The following TAFA5 variants were observed in gnomAD, a reference collection of about 807,000 sequenced individuals.
The protein encoded by TAFA5 is chemokine-like protein TAFA-5.
In TAFA5, 6 loss-of-function variants were observed where a neutral mutation model predicts 15.3. The observed-to-expected ratio is 0.39, with a 90% CI of 0.21 to 0.77. TAFA5 has a LOEUF of 0.77. Ranked by LOEUF, TAFA5 falls within the 30% of genes least tolerant of loss-of-function variation. The pLI, the probability that TAFA5 is intolerant of heterozygous loss-of-function variation, is 0.41. For synonymous variants in TAFA5, 103 were observed against 80.7 expected (o/e 1.28, Z -1.48); for missense variants, 161 against 193.1 (o/e 0.83, Z 0.98).
intron 2 of TAFA5, among the ~76,000 whole-genome samples, chr22:48,662,229 G>A (rs9617486): frequency 5.9e-5 from 9 of 151,982 alleles, no homozygotes; most frequent in African/African-American, 1.7e-4. Flanking sequence ...GGAGCACAAG[G>A]CTTGGAGGTT....
At chr22:48,539,502 C>T in intron 1 of TAFA5, 2 of 470,468 alleles carry the variant, frequency 4.3e-6, no homozygotes. Flanking sequence ...GACGGAGTTA[C>T]ATTTAGACGG....
intron 2 of TAFA5, among the ~76,000 whole-genome samples, chr22:48,686,772 ATGGATGGATGGATGGTAGACAAG>A (rs1928367997): frequency 6.6e-6 from 1 of 151,560 alleles, no homozygotes; most frequent in Admixed American, 6.6e-5. Flanking sequence ...TAGGGGATGG[ATGGATGGATGGATGGTAGACAAG>A]TGGATGGATG....
intron 3 of TAFA5, among the ~76,000 whole-genome samples, chr22:48,746,046 G>A (rs564428470): frequency 1.7e-4 from 26 of 152,330 alleles, no homozygotes; most frequent in African/African-American, 6.3e-4. Context: ...ATGGGCTGGG[G>A]TCCTTGTGTC....
chr22:48,491,884 G>C (rs1055017493), intron 1 of TAFA5, among the ~76,000 whole-genome samples: 1 of 152,164 alleles, frequency 6.6e-6, no homozygotes, highest in African/African-American at 2.4e-5. Context: ...ACAGCCTTTC[G>C]CCAGGACAAG....
chr22:48,505,576 G>A lies in TAFA5; in HGVS notation c.112+15872G>A, dbSNP rs144125496. Among the ~76,000 whole-genome samples the A allele has an allele frequency of 9.5e-3, 1,444 of 152,320 alleles. 26 individuals carry two copies. The highest frequency in any genetic ancestry group is 0.033 in the African/African-American group (1,364 of 41,554). ...GGGGCTGTGGAGCTGCATGGCCAGC[G>A]GGGCACTGCCATCAGCCTACAGCTT... On this transcript the variant is annotated intron_variant, in intron 1 of 3. Transcript: ENST00000402357.
intron 1 of TAFA5, among the ~76,000 whole-genome samples, chr22:48,503,135 C>T (rs1211316206): frequency 6.6e-6 from 1 of 152,216 alleles, no homozygotes; most frequent in African/African-American, 2.4e-5. Flanking sequence ...CTCCTCTGAG[C>T]TGCCTGTGTG....
intron 2 of TAFA5, among the ~76,000 whole-genome samples, chr22:48,651,160 C>T (rs78167389): frequency 0.055 from 8,448 of 152,240 alleles, 780 homozygotes; most frequent in African/African-American, 0.19. Flanking sequence ...AGCCCAGTAG[C>T]GGGGGCAGCA....
Position 48,652,441 on chromosome 22 carries a change from A to G in TAFA5, c.262+5695A>G, listed in dbSNP as rs1927087836. ...GCTTCCCTACAGTTGTTCATACAAC[A>G]TGGGGACATCTGTTTGACCACAGAG... On this transcript the variant is annotated intron_variant, in intron 2 of 3. Coordinates refer to ENST00000402357, the MANE Select transcript of TAFA5 (RefSeq NM_001082967.3). Among the ~76,000 whole-genome samples, 3 of 152,328 alleles carry G rather than the reference A, an allele frequency of 2.0e-5. No homozygotes were observed. In the South Asian group the frequency reaches 6.2e-4, roughly 32 times the overall value.
At chr22:48,603,367 G>A (rs1193188956) in intron 1 of TAFA5, among the ~76,000 whole-genome samples, 3 of 152,260 alleles carry the variant, frequency 2.0e-5, no homozygotes, top group Admixed American at 6.5e-5. Context: ...CACGCAGTGC[G>A]GCCACGGCAC....
rs542062886 is a variant in TAFA5, at chr22:48,592,408, G to A, written c.113-54189G>A. ...TAAGCATCAGAGGACCTTGGAGGCT[G>A]TGGTGCAGGTGAAGTGGGAGCCACT... On this transcript the variant is annotated intron_variant, in intron 1 of 3. Transcript: ENST00000402357. Among the ~76,000 whole-genome samples the A allele has an allele frequency of 1.3e-4, 20 of 152,354 alleles. 2 individuals carry two copies. The South Asian group carries it at 2.5e-3, about 19-fold the overall frequency.
At chr22:48,704,271 G>A (rs1002491129) in intron 2 of TAFA5, among the ~76,000 whole-genome samples, 2 of 152,110 alleles carry the variant, frequency 1.3e-5, no homozygotes, top group South Asian at 4.1e-4. Context: ...ATTGCAAGGG[G>A]ATTTCTGCTA....
At chr22:48,542,650 G>GGT (rs139325576) in intron 1 of TAFA5, among the ~76,000 whole-genome samples, 3,010 of 54,092 alleles carry the variant, frequency 0.056, 95 homozygotes, top group East Asian at 0.063. Context: ...GTGTGTGTGT[G>GGT]GTGTGTGTGT....
At chr22:48,714,870 T>C (rs4988650) in intron 3 of TAFA5, among the ~76,000 whole-genome samples, 9,651 of 152,268 alleles carry the variant, frequency 0.063, 364 homozygotes, top group Admixed American at 0.095. Context: ...AGGCCCCTCT[T>C]TTGCCTCTCA....
intron 2 of TAFA5, among the ~76,000 whole-genome samples, chr22:48,706,856 C>T (rs1053353146): frequency 2.0e-5 from 3 of 152,256 alleles, no homozygotes; most frequent in African/African-American, 7.2e-5. Flanking sequence ...TCAGCTTTTA[C>T]TCCGCCATGA....
At chr22:48,656,667 A>G (rs908966307) in intron 2 of TAFA5, among the ~76,000 whole-genome samples, 1 of 151,756 alleles carries the variant, frequency 6.6e-6, no homozygotes, top group Admixed American at 6.6e-5. Flanking sequence ...AAAGTAGAAT[A>G]TAGAAAAATA....
At chr22:48,711,150 C>T in intron 3 of TAFA5, among the ~76,000 whole-genome samples, 1 of 152,156 alleles carries the variant, frequency 6.6e-6, no homozygotes, top group East Asian at 1.9e-4. Context: ...GCAGGACACT[C>T]CGTCATCCAG....
intron 2 of TAFA5, among the ~76,000 whole-genome samples, chr22:48,669,775 A>G (rs1203698042): frequency 6.6e-6 from 1 of 152,158 alleles, no homozygotes; most frequent in African/African-American, 2.4e-5. Flanking sequence ...TCCCAGCCCC[A>G]TGTTGCCCAC....
At position 48,704,441 on chromosome 22, in the gene TAFA5, G is replaced by T. The variant is rs548330947; in HGVS notation, c.263-3276G>T. Among the ~76,000 whole-genome samples, 3 of 152,270 alleles carry T rather than the reference G, an allele frequency of 2.0e-5. No individual in the cohort carries two copies. In the East Asian group the frequency reaches 5.8e-4, roughly 29 times the overall value. Reference sequence around the variant, plus strand: ...CTTTCTGCAGGAATAGAACAGACAAGAAAAGGGGCCCCGGGAAGACGCATG... The same window carrying T: ...CTTTCTGCAGGAATAGAACAGACAATAAAAGGGGCCCCGGGAAGACGCATG... On this transcript the variant is annotated intron_variant, in intron 2 of 3. Coordinates refer to ENST00000402357, the MANE Select transcript of TAFA5 (RefSeq NM_001082967.3).
intron 1 of TAFA5, among the ~76,000 whole-genome samples, chr22:48,548,872 C>G (rs1922767573): frequency 6.6e-6 from 1 of 152,278 alleles, no homozygotes; most frequent in South Asian, 2.1e-4. Context: ...TTATTAAATG[C>G]TTGGCCCACT....
Sources: allele counts gnomAD v4.1 joint callset (sites outside exome capture counted in the v4.1 genomes callset), GRCh38; gene constraint gnomAD v4.1.1; transcripts MANE v1.5; gene names NCBI Gene and HGNC (gene_info 2026-07-23, HGNC 2026-07-21).